SPTLC3: variants seen among roughly 807,000 people sequenced by gnomAD.
The protein encoded by SPTLC3 is serine palmitoyltransferase long chain base subunit 3.
A neutral mutation model predicts 59.3 loss-of-function variants in SPTLC3; 36 were observed. The ratio of observed to expected loss-of-function variants is 0.61; its 90% confidence interval spans 0.47 to 0.80. SPTLC3 has a LOEUF of 0.80. Among genes scored for constraint, SPTLC3 ranks in the 30% least tolerant of loss-of-function variants. The pLI, the probability that SPTLC3 is intolerant of heterozygous loss-of-function variation, is 0.00. For synonymous variants in SPTLC3, 257 were observed against 240.8 expected (o/e 1.07, Z -0.62); for missense variants, 625 against 685.1 (o/e 0.91, Z 0.98).
intron 2 of SPTLC3, among the ~76,000 whole-genome samples, chr20:13,054,316 T>C (rs1165490054): frequency 6.6e-6 from 1 of 152,090 alleles, no homozygotes; most frequent in Non-Finnish European, 1.5e-5. Flanking sequence ...AATGGGAAAG[T>C]ATTGAAGGAC....
At chr20:13,113,164 CAG>C (rs1361531200) in intron 7 of SPTLC3, among the ~76,000 whole-genome samples, 1 of 152,102 alleles carries the variant, frequency 6.6e-6, no homozygotes, top group Admixed American at 6.5e-5. Context: ...GCCTGGGAGA[CAG>C]AGAGAGACTC....
At chr20:13,155,546 G>C (rs1033669830) in intron 10 of SPTLC3, among the ~76,000 whole-genome samples, 2 of 152,178 alleles carry the variant, frequency 1.3e-5, no homozygotes, top group Admixed American at 1.3e-4. Context: ...ACACATGAAG[G>C]CTGGGCGCGG....
At chr20:13,056,209 A>G (rs1158109898) in intron 2 of SPTLC3, among the ~76,000 whole-genome samples, 2 of 152,184 alleles carry the variant, frequency 1.3e-5, no homozygotes, top group Non-Finnish European at 2.9e-5. Context: ...TTAATGATTT[A>G]CCTTTCTTTA....
intron 8 of SPTLC3, among the ~76,000 whole-genome samples, chr20:13,120,815 C>T (rs1568612584): frequency 6.6e-6 from 1 of 152,222 alleles, no homozygotes; most frequent in Non-Finnish European, 1.5e-5. Context: ...CTGTGATCCC[C>T]ACTTTCCACC....
chr20:13,160,328 A>T (rs762612498), intron 11 of SPTLC3, among the ~76,000 whole-genome samples, 196 bp downstream of exon 11: 2 of 152,240 alleles, frequency 1.3e-5, no homozygotes, highest in Non-Finnish European at 2.9e-5. Context: ...GATAGAAATG[A>T]AAATCAGTTT....
chr20:13,113,470 T>G (rs988985414), intron 7 of SPTLC3, among the ~76,000 whole-genome samples: 4 of 152,096 alleles, frequency 2.6e-5, no homozygotes, highest in African/African-American at 7.2e-5. Flanking sequence ...ATCAGAAAGT[T>G]TCAGGGAGAT....
rs376312661 is a variant in SPTLC3, at chr20:13,118,448, G to GAAAAAA, written c.1152+723_1152+724insAAAAAA. Among the ~76,000 whole-genome samples, 116 of 108,684 alleles carry GAAAAAA rather than the reference G, an allele frequency of 1.1e-3. 1 individual carries two copies. The highest frequency in any genetic ancestry group is 1.3e-3 in the Non-Finnish European group (72 of 54,622). 71.3% of individuals were successfully genotyped at this position (108,684 alleles called of 152,430 possible). On this transcript the variant is annotated intron_variant, in intron 8 of 11. Transcript: ENST00000399002. ...GTGCCAATATCACCAAGAGGTTTGT[G>GAAAAAA]GAAAAAAAAAACAAAAAAAAACAAT...
chr20:13,071,219 C>T (rs890588625), intron 2 of SPTLC3, among the ~76,000 whole-genome samples: 3 of 152,198 alleles, frequency 2.0e-5, no homozygotes, highest in African/African-American at 7.2e-5. Flanking sequence ...GTATTATTTT[C>T]GCATTACTCC....
chr20:13,121,597 G>A (rs2037868494), intron 8 of SPTLC3, among the ~76,000 whole-genome samples: 1 of 152,140 alleles, frequency 6.6e-6, no homozygotes, highest in Non-Finnish European at 1.5e-5. Flanking sequence ...CCACCCTGAA[G>A]AAGACACGAC....
chr20:13,065,752 A>G (rs1213517274), intron 2 of SPTLC3, among the ~76,000 whole-genome samples: 1 of 151,646 alleles, frequency 6.6e-6, no homozygotes, highest in African/African-American at 2.4e-5. Flanking sequence ...ACATATATGC[A>G]TTTTTTTACT....
At chr20:13,121,965 A>G (rs1376329399) in intron 8 of SPTLC3, among the ~76,000 whole-genome samples, 1 of 152,250 alleles carries the variant, frequency 6.6e-6, no homozygotes, top group African/African-American at 2.4e-5. Flanking sequence ...GACATTGGGA[A>G]GAGCCCTTTT....
intron 6 of SPTLC3, among the ~76,000 whole-genome samples, chr20:13,106,973 A>G (rs570998957): frequency 3.0e-4 from 45 of 152,356 alleles, no homozygotes; most frequent in African/African-American, 1.1e-3. Context: ...GTCACAGAAG[A>G]AGGAACTCAA....
chr20:13,024,530 T>C (rs751096124), intron 1 of SPTLC3, among the ~76,000 whole-genome samples: 39 of 152,310 alleles, frequency 2.6e-4, no homozygotes, highest in Non-Finnish European at 4.7e-4. Flanking sequence ...TTTTTTCTTT[T>C]GAGGTAAAAT....
chr20:13,155,785 C>T (rs906353862), intron 10 of SPTLC3, among the ~76,000 whole-genome samples: 1 of 152,130 alleles, frequency 6.6e-6, no homozygotes, highest in East Asian at 1.9e-4. Flanking sequence ...GAGATTGCAC[C>T]ACTGCACTCT....
At chr20:13,146,406 A>G (rs181287191) in intron 9 of SPTLC3, among the ~76,000 whole-genome samples, 1 of 152,288 alleles carries the variant, frequency 6.6e-6, no homozygotes, top group East Asian at 1.9e-4. Context: ...AAATCTTCAC[A>G]TGTACCCCGA....
intron 3 of SPTLC3, chr20:13,074,003 A>C (rs1988546197): frequency 1.6e-6 from 1 of 619,868 alleles, no homozygotes; most frequent in African/African-American, 1.8e-5. Context: ...AATATCGGAG[A>C]TAGTCCTGTC....
intron 1 of SPTLC3, among the ~76,000 whole-genome samples, chr20:13,045,730 G>A (rs1480227334): frequency 6.6e-6 from 1 of 152,032 alleles, no homozygotes; most frequent in Non-Finnish European, 1.5e-5. Flanking sequence ...GTTATTACTT[G>A]CTTCCAGAAC....
intron 6 of SPTLC3, among the ~76,000 whole-genome samples, chr20:13,098,769 C>T (rs1989506971): frequency 6.6e-6 from 1 of 152,138 alleles, no homozygotes; most frequent in African/African-American, 2.4e-5. Context: ...TGAAGAATTC[C>T]ATGAGGTAGG....
At chr20:13,129,191 G>A (rs111564566) in intron 9 of SPTLC3, among the ~76,000 whole-genome samples, 2 of 152,102 alleles carry the variant, frequency 1.3e-5, no homozygotes, top group African/African-American at 2.4e-5. Context: ...TAGTCGAGAC[G>A]GGGTTTCACC....
Sources: allele counts gnomAD v4.1 joint callset (sites outside exome capture counted in the v4.1 genomes callset), GRCh38; gene constraint gnomAD v4.1.1; transcripts MANE v1.5; gene names NCBI Gene and HGNC (gene_info 2026-07-23, HGNC 2026-07-21).